Variants in CNTNAP3B observed in about 807,000 individuals in gnomAD.
CNTNAP3B encodes contactin-associated protein-like 3B.
Under a neutral mutation model 108.9 loss-of-function variants are expected in CNTNAP3B, and 25 were observed. The observed-to-expected ratio is 0.23, with a 90% CI of 0.17 to 0.32. CNTNAP3B has a LOEUF of 0.32. Ranked by LOEUF, CNTNAP3B falls within the 10% of genes least tolerant of loss-of-function variation. The pLI is 1.00. For synonymous variants in CNTNAP3B, 103 were observed against 473.4 expected, an observed-to-expected ratio of 0.22 and a Z score of 10.16; for missense variants, 252 against 1,210.4, an observed-to-expected ratio of 0.21 and a Z score of 11.75.
At chr9:42,036,750 C>G (rs1224911583) in intron 3 of CNTNAP3B, among the ~76,000 whole-genome samples, 2 of 138,702 alleles carry the variant, frequency 1.4e-5, no homozygotes, top group African/African-American at 5.7e-5. Flanking sequence ...ACTGCCTCCA[C>G]AAGTGGGTCC....
rs559018359 is a variant in CNTNAP3B, at chr9:42,115,984, C to T, written c.86-11245G>A. 8.6e-3 allele frequency among the ~76,000 whole-genome samples: 1,187 copies of T among 137,350 alleles called. 97 individuals are homozygous for T. Among genetic ancestry groups the T allele is most frequent in the Non-Finnish European group, 9.3e-3 (603 of 64,556 alleles). The allele number at this position is 137,350 out of a possible 152,430, so 90.1% of individuals were successfully genotyped here. A position where few individuals can be genotyped will look rare whatever the true frequency, so the allele number is the denominator to read the frequency against. ...CTAAAAACCTTGAAAAAGGATTAGA[C>T]GAATGGCTAACTAGAATAAACAGCG... is the stretch of plus-strand genomic sequence containing the variant. On this transcript the variant is annotated intron_variant, in intron 1 of 23. Coordinates refer to ENST00000377561, the MANE Select transcript of CNTNAP3B (RefSeq NM_001201380.3).
Position 42,120,607 on chromosome 9 carries a change from T to G in CNTNAP3B, c.85+8403A>C, listed in dbSNP as rs557860024. Among the ~76,000 whole-genome samples, 522 of 136,966 alleles carry G rather than the reference T, an allele frequency of 3.8e-3. 77 individuals carry two copies. The highest frequency in any genetic ancestry group is 5.1e-3 in the Non-Finnish European group (329 of 64,394). 89.9% of individuals were successfully genotyped at this position (136,966 alleles called of 152,430 possible). A position where few individuals can be genotyped will look rare whatever the true frequency, so the allele number is the denominator to read the frequency against. The stretch of plus-strand genomic sequence containing the variant: ...TCAATGATAGACTGGATTAAGAAAA[T>G]GTGGCACATATACACCATGGAATAC... On this transcript the variant is annotated intron_variant, in intron 1 of 23. Transcript: ENST00000377561.
chr9:41,933,486 A>T (rs1193752449), intron 14 of CNTNAP3B, among the ~76,000 whole-genome samples: 3 of 152,374 alleles, frequency 2.0e-5, no homozygotes, highest in Non-Finnish European at 4.4e-5. Context: ...AATTTTTTCC[A>T]TAAAAGTACT....
intron 12 of CNTNAP3B, chr9:41,960,042 G>A (rs1362159549): frequency 6.6e-6 from 1 of 152,124 alleles, no homozygotes; most frequent in African/African-American, 2.4e-5. Flanking sequence ...TCTGTCGCCA[G>A]GCTGGAGTGC....
At chr9:42,018,047 G>T (rs1826244524) in intron 3 of CNTNAP3B, among the ~76,000 whole-genome samples, 1 of 124,530 alleles carries the variant, frequency 8.0e-6, no homozygotes, top group Non-Finnish European at 1.7e-5. Flanking sequence ...TAAGTATATA[G>T]CATTAATAAT....
At chr9:41,961,824 C>T (rs1366570002) in intron 11 of CNTNAP3B, among the ~76,000 whole-genome samples, 1 of 152,302 alleles carries the variant, frequency 6.6e-6, no homozygotes. Context: ...TGAATATTTT[C>T]ATTTGTGCAA....
intron 3 of CNTNAP3B, 25 bp downstream of exon 3, chr9:42,076,844 G>C (rs77970244): frequency 0.37 from 570,934 of 1,536,002 alleles, 153,689 homozygotes; most frequent in South Asian, 0.42. Flanking sequence ...GCAATAGGTA[G>C]CAATTATTGT....
chr9:42,023,900 A>G lies in CNTNAP3B; in HGVS notation c.391-10375T>C, dbSNP rs569245211. On this transcript the variant is annotated intron_variant, in intron 3 of 23. Coordinates refer to ENST00000377561, the MANE Select transcript of CNTNAP3B (RefSeq NM_001201380.3). Reference sequence around the variant, plus strand: ...TGCCACAAATATTGAAAGCTGCCATAGGTAAATGTAAGGATGAACCTTGAT... The same window carrying G: ...TGCCACAAATATTGAAAGCTGCCATGGGTAAATGTAAGGATGAACCTTGAT... 2.7e-5 allele frequency among the ~76,000 whole-genome samples: 4 copies of G among 150,342 alleles called. No homozygotes were observed. The East Asian group carries it at 8.0e-4, about 30-fold the overall frequency.
chr9:41,995,967 C>T (rs1376638228), intron 7 of CNTNAP3B, among the ~76,000 whole-genome samples: 7 of 144,530 alleles, frequency 4.8e-5, no homozygotes, highest in Admixed American at 2.1e-4. Context: ...ACCTGGGAGG[C>T]GTAAGCTGCA....
At chr9:41,930,219 G>A (rs1254078821) in intron 14 of CNTNAP3B, among the ~76,000 whole-genome samples, 1 of 152,254 alleles carries the variant, frequency 6.6e-6, no homozygotes, top group African/African-American at 2.4e-5. Flanking sequence ...TGTGAAAGTG[G>A]TCTGTGAAAC....
chr9:41,977,906 C>T (rs1825552301), intron 9 of CNTNAP3B, among the ~76,000 whole-genome samples: 1 of 142,640 alleles, frequency 7.0e-6, no homozygotes, highest in South Asian at 2.3e-4. Context: ...GCTGGGATTA[C>T]AGGCGTGAGC....
chr9:41,975,021 A>T, intron 9 of CNTNAP3B: 1 of 232,336 alleles, frequency 4.3e-6, no homozygotes, highest in Admixed American at 5.8e-5. Flanking sequence ...GGACAGACTG[A>T]GATCTCCAAA....
intron 14 of CNTNAP3B, among the ~76,000 whole-genome samples, chr9:41,930,323 G>A (rs1282592452): frequency 6.6e-6 from 1 of 152,286 alleles, no homozygotes; most frequent in African/African-American, 2.4e-5. Flanking sequence ...TGGGCAGATT[G>A]CTTGAGCTCT....
chr9:42,002,955 T>C (rs4057132), intron 4 of CNTNAP3B, among the ~76,000 whole-genome samples: 45,705 of 119,820 alleles, frequency 0.38, 10,347 homozygotes, highest in East Asian at 0.58. Flanking sequence ...GGTACCTTCA[T>C]AGCTCACTGC....
chr9:41,955,814 T>G (rs928978585), intron 12 of CNTNAP3B, among the ~76,000 whole-genome samples: 1 of 152,296 alleles, frequency 6.6e-6, no homozygotes, highest in Non-Finnish European at 1.5e-5. Flanking sequence ...AAAATTAAGC[T>G]AATTTAACTC....
chr9:41,950,945 C>G (rs539830634), intron 13 of CNTNAP3B, among the ~76,000 whole-genome samples: 41 of 144,938 alleles, frequency 2.8e-4, no homozygotes, highest in African/African-American at 1.0e-3. Context: ...TTAGTAGAGA[C>G]GGGGTTTCAT....
intron 6 of CNTNAP3B, among the ~76,000 whole-genome samples, chr9:41,997,262 G>A (rs1488799697): frequency 6.6e-6 from 1 of 151,834 alleles, no homozygotes; most frequent in Non-Finnish European, 1.5e-5. Flanking sequence ...TAATATACCA[G>A]ATGAAATTTC....
At chr9:41,924,658 C>CACATAT (rs1564144339) in intron 15 of CNTNAP3B, among the ~76,000 whole-genome samples, 1,845 of 66,058 alleles carry the variant, frequency 0.028, 3 homozygotes, top group Non-Finnish European at 0.048. Context: ...CACACACACA[C>CACATAT]ACACACACAC....
chr9:42,074,549 T>A (rs1174706744), intron 3 of CNTNAP3B, among the ~76,000 whole-genome samples: 1 of 148,478 alleles, frequency 6.7e-6, no homozygotes, highest in Admixed American at 6.7e-5. Context: ...AACATTTTTT[T>A]CACCATGCAA....
Sources: gnomAD v4.1 joint callset for allele counts (sites outside exome capture counted in the v4.1 genomes callset) on GRCh38, gnomAD v4.1.1 for gene constraint, MANE v1.5 for transcripts, NCBI Gene and HGNC (gene_info 2026-07-23, HGNC 2026-07-21) for gene names.